Variants in PRKN observed in about 807,000 individuals in gnomAD.
The protein encoded by PRKN is E3 ubiquitin-protein ligase parkin.
PRKN carries 56 observed loss-of-function variants against 59.5 expected under a neutral mutation model. That is an observed-to-expected ratio of 0.94 (90% CI 0.76 to 1.18). PRKN has a LOEUF of 1.18. Ranked by LOEUF, PRKN falls within the 50% of genes most tolerant of loss-of-function variation. The pLI, the probability that PRKN is intolerant of heterozygous loss-of-function variation, is 0.00. For missense variants in PRKN, 657 were observed against 596.4 expected (o/e 1.10, Z -1.06); for synonymous variants, 250 against 222.1 (o/e 1.13, Z -1.12).
rs762190764 is a variant in PRKN at position 161,444,543 on chromosome 6, G to A, written c.1084-57666C>T. 6.6e-6 allele frequency among the ~76,000 whole-genome samples: 1 copy of A among 152,236 alleles called. No homozygotes were observed. Among genetic ancestry groups the A allele is most frequent in the Non-Finnish European group, 1.5e-5 (1 of 68,040 alleles). ...AAGAAGTCCCTGCAGCCCCTGGTTA[G>A]TGGGAGACGCAGAGCAGGCATTCAG... On this transcript the variant is annotated intron_variant, in intron 9 of 11. Transcript: ENST00000366898. This position sits in a 1 kb window ranked among gnomAD's most constrained non-coding sequence, Gnocchi z 5.6.
chr6:161,432,367 T>C (rs1444703967), intron 9 of PRKN, among the ~76,000 whole-genome samples: 2 of 144,690 alleles, frequency 1.4e-5, no homozygotes, highest in African/African-American at 5.2e-5. Context: ...TTTTTTTTTT[T>C]TTTTTTTTTT....
At chr6:161,667,758 T>A (rs1242011723) in intron 7 of PRKN, among the ~76,000 whole-genome samples, 1 of 152,216 alleles carries the variant, frequency 6.6e-6, no homozygotes, top group African/African-American at 2.4e-5. Context: ...GACACAAAAC[T>A]GTTAATAGTT....
chr6:161,508,799 C>A (rs1022853095), intron 9 of PRKN, among the ~76,000 whole-genome samples: 2 of 152,066 alleles, frequency 1.3e-5, no homozygotes, highest in African/African-American at 2.4e-5. Context: ...GCAAAACGGA[C>A]CAGAGCTAAG....
chr6:161,898,463 C>T (rs1777746230), intron 6 of PRKN, among the ~76,000 whole-genome samples: 1 of 152,160 alleles, frequency 6.6e-6, no homozygotes, highest in Non-Finnish European at 1.5e-5. Flanking sequence ...AACAGTTCTC[C>T]AAATGGATAT....
intron 1 of PRKN, among the ~76,000 whole-genome samples, chr6:162,704,375 A>C (rs572711270): frequency 6.6e-6 from 1 of 152,278 alleles, no homozygotes; most frequent in African/African-American, 2.4e-5. Flanking sequence ...ACTCCTTAGA[A>C]GATTGAGCAC....
intron 9 of PRKN, among the ~76,000 whole-genome samples, chr6:161,404,488 T>G (rs1787178499): frequency 6.6e-6 from 1 of 152,172 alleles, no homozygotes; most frequent in African/African-American, 2.4e-5. Context: ...AAGACAACTC[T>G]ATAAATTGAG....
chr6:161,723,626 A>C (rs559266793), intron 7 of PRKN, among the ~76,000 whole-genome samples: 23 of 152,262 alleles, frequency 1.5e-4, no homozygotes, highest in African/African-American at 5.3e-4. Context: ...TTCTTTCACG[A>C]CTGTAGACAT....
chr6:161,782,627 C>T (rs559998730), intron 7 of PRKN, among the ~76,000 whole-genome samples: 1 of 152,228 alleles, frequency 6.6e-6, no homozygotes, highest in South Asian at 2.1e-4. Flanking sequence ...GGTGCAGTGG[C>T]TCATGCCTGT....
At chr6:162,710,592 G>T (rs980937883) in intron 1 of PRKN, among the ~76,000 whole-genome samples, 3 of 152,052 alleles carry the variant, frequency 2.0e-5, no homozygotes, top group African/African-American at 7.2e-5. Flanking sequence ...ATTCAATGTG[G>T]TGTTGTGGTA....
intron 4 of PRKN, among the ~76,000 whole-genome samples, chr6:162,093,299 G>A (rs531511600): frequency 7.6e-4 from 115 of 152,276 alleles, no homozygotes; most frequent in African/African-American, 2.7e-3. Context: ...CAAATTATTA[G>A]CTGCACTTCC....
rs117264756 is a variant in PRKN at position 161,681,448 on chromosome 6, T to C, written c.871+104324A>G. Among the ~76,000 whole-genome samples the C allele has an allele frequency of 1.6e-3, 248 of 151,274 alleles. 6 individuals are homozygous for C. In the East Asian group the frequency reaches 0.03, roughly 18 times the overall value. On this transcript the variant is annotated intron_variant, in intron 7 of 11. Coordinates refer to ENST00000366898, the MANE Select transcript of PRKN (RefSeq NM_004562.3). ...TGCAACTCTTTTTAAAGAGTCCAAG[T>C]AAATCTTTTTTTTTTTTCTCCTGAT... is the stretch of plus-strand genomic sequence containing the variant.
intron 6 of PRKN, among the ~76,000 whole-genome samples, chr6:161,812,608 A>G (rs3019441): frequency 0.98 from 148,480 of 152,248 alleles, 72,445 homozygotes; most frequent in Admixed American, 0.99. Flanking sequence ...AGAAGATAGC[A>G]GAATGTCAAA....
At chr6:161,995,478 A>G (rs1781807194) in intron 5 of PRKN, among the ~76,000 whole-genome samples, 1 of 152,152 alleles carries the variant, frequency 6.6e-6, no homozygotes, top group South Asian at 2.1e-4. Context: ...CAACCTGTAG[A>G]ATGGGAGAAA....
At chr6:162,192,213 AT>A (rs1181138661) in intron 4 of PRKN, among the ~76,000 whole-genome samples, 1 of 152,068 alleles carries the variant, frequency 6.6e-6, no homozygotes, top group Non-Finnish European at 1.5e-5. Context: ...CCAATTTCCA[AT>A]TATCTAAATT....
At chr6:161,967,282 C>T (rs1180913184) in intron 6 of PRKN, among the ~76,000 whole-genome samples, 2 of 151,932 alleles carry the variant, frequency 1.3e-5, no homozygotes, top group South Asian at 2.1e-4. Context: ...ATTTGGTAGG[C>T]GCATCATTGC....
chr6:161,462,466 T>A lies in PRKN; in HGVS notation c.1084-75589A>T, dbSNP rs1196488088. Among the ~76,000 whole-genome samples the A allele has an allele frequency of 6.6e-6, 1 of 152,178 alleles. No individual in the cohort carries two copies. Among genetic ancestry groups the A allele is most frequent in the South Asian group, 2.1e-4 (1 of 4,824 alleles). On this transcript the variant is annotated intron_variant, in intron 9 of 11. Transcript: ENST00000366898. This position sits in a 1 kb window ranked among gnomAD's most constrained non-coding sequence, Gnocchi z 4.5. ...CTAATGACTAGCTAAATTAGTTATA[T>A]GGCCCAAAGCAAAGATAAGATGGTT...
intron 2 of PRKN, among the ~76,000 whole-genome samples, chr6:162,338,513 C>T (rs950753052): frequency 6.6e-6 from 1 of 152,186 alleles, no homozygotes; most frequent in Non-Finnish European, 1.5e-5. Flanking sequence ...CTCGGCCTCC[C>T]GAGGTGCCGG....
At chr6:161,692,773 C>T (rs1296179462) in intron 7 of PRKN, among the ~76,000 whole-genome samples, 4 of 151,856 alleles carry the variant, frequency 2.6e-5, no homozygotes, top group Admixed American at 6.6e-5. Context: ...AACAAACGAA[C>T]AAACAAAACC....
chr6:161,765,773 C>G (rs1016914693), intron 7 of PRKN, among the ~76,000 whole-genome samples: 2 of 152,152 alleles, frequency 1.3e-5, no homozygotes, highest in Non-Finnish European at 2.9e-5. Context: ...AAACCAACAT[C>G]TTTTACTACT....
Sources: allele counts gnomAD v4.1 joint callset (sites outside exome capture counted in the v4.1 genomes callset), GRCh38; gene constraint gnomAD v4.1.1; non-coding constraint Gnocchi (gnomAD v3.1); transcripts MANE v1.5; gene names NCBI Gene and HGNC (gene_info 2026-07-23, HGNC 2026-07-21).